Variants in NHSL1 observed in about 807,000 individuals in gnomAD.
NHSL1 encodes the protein NHS-like protein 1.
A neutral mutation model predicts 95.0 loss-of-function variants in NHSL1; 48 were observed. The ratio of observed to expected loss-of-function variants is 0.51; its 90% CI spans 0.40 to 0.64. The LOEUF is 0.64. NHSL1 is among the 30% of genes least tolerant of loss of function. NHSL1 has a pLI of 0.00. For synonymous variants in NHSL1, 783 were observed against 833.9 expected (o/e 0.94, Z 1.05); for missense variants, 1,971 against 2,077.7 (o/e 0.95, Z 1.00).
chr6:138,590,523 A>G (rs1233233285), intron 1 of NHSL1, among the ~76,000 whole-genome samples: 2 of 151,408 alleles, frequency 1.3e-5, no homozygotes, highest in Admixed American at 6.6e-5. Flanking sequence ...TCAACCACCA[A>G]CTCCAGCCCT....
chr6:138,622,086 C>A (rs1784671670), intron 1 of NHSL1, among the ~76,000 whole-genome samples: 1 of 152,002 alleles, frequency 6.6e-6, no homozygotes, highest in Non-Finnish European at 1.5e-5. Context: ...ATAATGAAAT[C>A]GAAGAACTTC....
chr6:138,557,429 A>T (rs1783234415), intron 1 of NHSL1, among the ~76,000 whole-genome samples: 1 of 152,226 alleles, frequency 6.6e-6, no homozygotes, highest in African/African-American at 2.4e-5. Context: ...AAGGTAACAC[A>T]GGAGCAACAC....
chr6:138,610,404 CG>C (rs1784494254), intron 1 of NHSL1, among the ~76,000 whole-genome samples: 1 of 151,272 alleles, frequency 6.6e-6, no homozygotes, highest in Non-Finnish European at 1.5e-5. Context: ...GTGGGGGGAG[CG>C]GGGAGGGATA....
At chr6:138,659,709 C>T (rs888627294) in intron 1 of NHSL1, among the ~76,000 whole-genome samples, 1 of 142,178 alleles carries the variant, frequency 7.0e-6, no homozygotes. Flanking sequence ...TTTCCTACCA[C>T]GTTTTTTTTT....
chr6:138,546,498 A>C (rs1185692332), upstream of NHSL1, among the ~76,000 whole-genome samples: 9 of 148,770 alleles, frequency 6.0e-5, no homozygotes, highest in Non-Finnish European at 1.0e-4. Flanking sequence ...GGTCCCAGCT[A>C]CTTGGGAGGC....
At chr6:138,619,810 T>G (rs1008180298) in intron 1 of NHSL1, among the ~76,000 whole-genome samples, 3 of 151,862 alleles carry the variant, frequency 2.0e-5, no homozygotes, top group Non-Finnish European at 2.9e-5. Context: ...TAGTCAGGCG[T>G]GGGGGCATAT....
intron 3 of NHSL1, among the ~76,000 whole-genome samples, chr6:138,455,517 T>C (rs932145422): frequency 1.1e-5 from 1 of 90,414 alleles, no homozygotes; most frequent in Admixed American, 1.1e-4. Context: ...ACATGCTCCC[T>C]GCAAGGAGCC....
intron 1 of NHSL1, among the ~76,000 whole-genome samples, chr6:138,669,698 T>TCTGAATG (rs925320814): frequency 2.0e-5 from 3 of 152,090 alleles, no homozygotes; most frequent in African/African-American, 4.8e-5. Flanking sequence ...AAAGATGCAT[T>TCTGAATG]CTGAATGCTG....
chr6:138,469,075 C>T (rs1453038954), intron 3 of NHSL1, among the ~76,000 whole-genome samples: 2 of 152,042 alleles, frequency 1.3e-5, no homozygotes, highest in African/African-American at 4.8e-5. Context: ...CCTAAATGAC[C>T]ACCACTGCTG....
chr6:138,555,374 G>T (rs897826518), intron 1 of NHSL1, among the ~76,000 whole-genome samples: 2 of 152,124 alleles, frequency 1.3e-5, no homozygotes, highest in Non-Finnish European at 2.9e-5. Flanking sequence ...AGCCACTCAA[G>T]AGGGAAAAAG....
intron 1 of NHSL1, among the ~76,000 whole-genome samples, chr6:138,671,083 A>G (rs1330831918): frequency 6.6e-6 from 1 of 152,160 alleles, no homozygotes; most frequent in African/African-American, 2.4e-5. Context: ...TGAAGCCAGG[A>G]GTTTGAGGCT....
chr6:138,483,854 T>G (rs571664413), intron 2 of NHSL1, among the ~76,000 whole-genome samples: 9 of 152,334 alleles, frequency 5.9e-5, no homozygotes, highest in African/African-American at 1.9e-4. Flanking sequence ...TGATCTGTAT[T>G]TGTTGGACAG....
At chr6:138,688,149 G>A (rs1176578262) in intron 1 of NHSL1, among the ~76,000 whole-genome samples, 11 of 151,996 alleles carry the variant, frequency 7.2e-5, no homozygotes, top group Admixed American at 2.6e-4. Context: ...ACAGAGTTTC[G>A]CCATGTTGGC....
upstream of NHSL1, among the ~76,000 whole-genome samples, chr6:138,501,373 G>A (rs1347213684): frequency 6.6e-6 from 1 of 152,148 alleles, no homozygotes; most frequent in Non-Finnish European, 1.5e-5. Flanking sequence ...ACAATTTTGT[G>A]GTATATTAGA....
At chr6:138,520,194 AAATATC>A (rs1781619408) in intron 1 of NHSL1, among the ~76,000 whole-genome samples, 1 of 152,114 alleles carries the variant, frequency 6.6e-6, no homozygotes, top group African/African-American at 2.4e-5. Flanking sequence ...ATACCAAAAT[AAATATC>A]AATAACTAAC....
chr6:138,454,980 C>A (rs1160228783), intron 3 of NHSL1, among the ~76,000 whole-genome samples: 1 of 152,162 alleles, frequency 6.6e-6, no homozygotes, highest in East Asian at 1.9e-4. Context: ...CAGGTATAAA[C>A]AGACCCTGAT....
At chr6:138,472,113 T>C (rs1428187080) in intron 3 of NHSL1, among the ~76,000 whole-genome samples, 2 of 143,354 alleles carry the variant, frequency 1.4e-5, no homozygotes, top group African/African-American at 2.7e-5. Flanking sequence ...ACCTGGGAGA[T>C]GGAGTTTGCA....
intron 1 of NHSL1, among the ~76,000 whole-genome samples, chr6:138,538,810 T>C (rs933450415): frequency 2.0e-5 from 3 of 152,378 alleles, no homozygotes; most frequent in South Asian, 4.1e-4. Context: ...TCTGTGTATA[T>C]ATAAATTCAC....
At chr6:138,669,312 A>G (rs1785334296) in intron 1 of NHSL1, among the ~76,000 whole-genome samples, 2 of 152,076 alleles carry the variant, frequency 1.3e-5, no homozygotes, top group Admixed American at 1.3e-4. Flanking sequence ...TGACAAAAAA[A>G]TTTTCATAAA....
Sources: gnomAD v4.1 joint callset for allele counts (sites outside exome capture counted in the v4.1 genomes callset) on GRCh38, gnomAD v4.1.1 for gene constraint, MANE v1.5 for transcripts, NCBI Gene and HGNC (gene_info 2026-07-23, HGNC 2026-07-21) for gene names.